The following CACNA2D3 variants were observed in gnomAD, a reference collection of about 807,000 sequenced individuals.
CACNA2D3 encodes voltage-dependent calcium channel subunit alpha-2/delta-3.
A neutral mutation model predicts 160.6 loss-of-function variants in CACNA2D3; 60 were observed. The observed-to-expected ratio is 0.37, with a 90% CI of 0.30 to 0.46. CACNA2D3 has a LOEUF of 0.46. CACNA2D3 is among the 20% of genes least tolerant of loss of function. The probability of loss-of-function intolerance (pLI) is 1.00; values close to 1 mark genes in which losing one functional copy is unlikely to be tolerated. For synonymous variants in CACNA2D3, 558 were observed against 492.9 expected (o/e 1.13, Z -1.75); for missense variants, 1,205 against 1,365.0 (o/e 0.88, Z 1.85).
chr3:54,522,760 C>A (rs527483464), intron 5 of CACNA2D3, among the ~76,000 whole-genome samples: 2 of 152,066 alleles, frequency 1.3e-5, no homozygotes, highest in Non-Finnish European at 2.9e-5. Context: ...CAGCAAACCA[C>A]TATTTTGATA....
chr3:54,889,881 T>C, intron 24 of CACNA2D3, among the ~76,000 whole-genome samples: 1 of 152,228 alleles, frequency 6.6e-6, no homozygotes, highest in East Asian at 1.9e-4. Flanking sequence ...CAAAGGTTGC[T>C]GATTCATTCC....
chr3:54,553,046 G>A (rs775105526), intron 5 of CACNA2D3, among the ~76,000 whole-genome samples: 3 of 152,166 alleles, frequency 2.0e-5, no homozygotes, highest in Non-Finnish European at 2.9e-5. Context: ...CATCCGGAGT[G>A]GTTCAACATT....
chr3:54,753,302 C>T (rs1184183269), intron 12 of CACNA2D3, among the ~76,000 whole-genome samples: 1 of 152,206 alleles, frequency 6.6e-6, no homozygotes, highest in Non-Finnish European at 1.5e-5. Context: ...TCATTCCTAG[C>T]CTTCTTGCCT....
chr3:54,274,360 C>A (rs1034433614), intron 2 of CACNA2D3, among the ~76,000 whole-genome samples: 1 of 151,886 alleles, frequency 6.6e-6, no homozygotes, highest in African/African-American at 2.4e-5. Flanking sequence ...TTGCAACTCC[C>A]TGATATGATG....
chr3:54,882,319 C>T (rs1185458653), intron 21 of CACNA2D3, among the ~76,000 whole-genome samples: 1 of 152,212 alleles, frequency 6.6e-6, no homozygotes, highest in Non-Finnish European at 1.5e-5. Context: ...AACTGCCTCT[C>T]ATGCGTCTGC....
At chr3:54,296,045 C>T (rs763644838) in intron 2 of CACNA2D3, among the ~76,000 whole-genome samples, 1 of 152,150 alleles carries the variant, frequency 6.6e-6, no homozygotes, top group Non-Finnish European at 1.5e-5. Flanking sequence ...GAGGACGTCC[C>T]TTGGGCTGTG....
intron 12 of CACNA2D3, among the ~76,000 whole-genome samples, chr3:54,753,263 T>C (rs1701901821): frequency 6.6e-6 from 1 of 152,236 alleles, no homozygotes; most frequent in Admixed American, 6.5e-5. Flanking sequence ...AGACATTTAC[T>C]GTGCATCAAA....
intron 5 of CACNA2D3, among the ~76,000 whole-genome samples, chr3:54,534,039 A>AT (rs1701847786): frequency 6.6e-6 from 1 of 152,152 alleles, no homozygotes; most frequent in Admixed American, 6.5e-5. Context: ...TCCCACCAGA[A>AT]GTCTGTCAGC....
chr3:54,471,874 A>G (rs7614141), intron 4 of CACNA2D3, among the ~76,000 whole-genome samples: 62,403 of 151,940 alleles, frequency 0.41, 13,358 homozygotes, highest in Admixed American at 0.5. Flanking sequence ...CCCTAAACAG[A>G]GTAGTAACAA....
chr3:54,688,495 T>C (rs1020803719), intron 11 of CACNA2D3, among the ~76,000 whole-genome samples: 2 of 151,938 alleles, frequency 1.3e-5, no homozygotes, highest in African/African-American at 4.8e-5. Context: ...GAAAGGTAGA[T>C]TATTGAGTGA....
chr3:54,678,720 CAAAAAA>C (rs71096434), intron 11 of CACNA2D3, among the ~76,000 whole-genome samples: 13 of 45,918 alleles, frequency 2.8e-4, no homozygotes, highest in East Asian at 2.6e-3. Context: ...GACTCGGTCT[CAAAAAA>C]AAAAAAAAAA....
intron 11 of CACNA2D3, among the ~76,000 whole-genome samples, chr3:54,662,520 A>AATTCC (rs1699991297): frequency 6.6e-6 from 1 of 152,214 alleles, no homozygotes; most frequent in Non-Finnish European, 1.5e-5. Flanking sequence ...AACAGCCAAG[A>AATTCC]ATTCCCTGTT....
At chr3:54,753,711 T>C (rs1430689192) in intron 12 of CACNA2D3, among the ~76,000 whole-genome samples, 1 of 152,254 alleles carries the variant, frequency 6.6e-6, no homozygotes, top group Non-Finnish European at 1.5e-5. Context: ...CTCAAAATGG[T>C]AATGGTAATA....
intron 11 of CACNA2D3, among the ~76,000 whole-genome samples, chr3:54,687,135 G>GTTTTTTTTTTT (rs1290353261): frequency 4.5e-5 from 4 of 88,906 alleles, no homozygotes; most frequent in Non-Finnish European, 6.5e-5. Flanking sequence ...TTTTTTTTTT[G>GTTTTTTTTTTT]TTTTTTTTTT....
At chr3:54,253,784 T>G (rs11294223) in intron 2 of CACNA2D3, among the ~76,000 whole-genome samples, 3 of 149,686 alleles carry the variant, frequency 2.0e-5, no homozygotes, top group African/African-American at 7.4e-5. Flanking sequence ...TGTTTTTTTT[T>G]GTTTTTTGAG....
At chr3:54,622,002 A>G (rs1163746486) in intron 9 of CACNA2D3, among the ~76,000 whole-genome samples, 3 of 152,280 alleles carry the variant, frequency 2.0e-5, no homozygotes, top group East Asian at 1.9e-4. Context: ...ACCACCAAGT[A>G]TCAGAGAGAA....
At chr3:54,886,726 G>C (rs1042242850) in intron 23 of CACNA2D3, among the ~76,000 whole-genome samples, 1 of 151,280 alleles carries the variant, frequency 6.6e-6, no homozygotes, top group Non-Finnish European at 1.5e-5. Context: ...TATATTGTAT[G>C]AATTACTATA....
rs560564170 is a variant in CACNA2D3, at chr3:54,780,861, A to G, written c.1380+16510A>G. ...AGATTTTTGACAGCTGTTTGCCATCATAGCACTTGACAATCTGCTTCTTAT... is the reference window on the plus strand; with the variant it reads ...AGATTTTTGACAGCTGTTTGCCATCGTAGCACTTGACAATCTGCTTCTTAT... On this transcript the variant is annotated intron_variant, in intron 13 of 37. Coordinates refer to ENST00000474759, the MANE Select transcript of CACNA2D3 (RefSeq NM_018398.3). 2.4e-4 allele frequency among the ~76,000 whole-genome samples: 37 copies of G among 152,334 alleles called. No homozygotes were observed. The South Asian group carries it at 7.7e-3, about 32-fold the overall frequency.
At chr3:55,006,295 C>A (rs1487336759) in intron 32 of CACNA2D3, among the ~76,000 whole-genome samples, 1 of 152,184 alleles carries the variant, frequency 6.6e-6, no homozygotes, top group Non-Finnish European at 1.5e-5. Context: ...CATGGAATGC[C>A]TGAGTGCCTT....
Sources: gnomAD v4.1 joint callset for allele counts (sites outside exome capture counted in the v4.1 genomes callset) on GRCh38, gnomAD v4.1.1 for gene constraint, MANE v1.5 for transcripts, NCBI Gene and HGNC (gene_info 2026-07-23, HGNC 2026-07-21) for gene names.